NR4A1: variants seen among roughly 807,000 people sequenced by gnomAD.
NR4A1 encodes nuclear receptor subfamily 4immunitygroup A member 1.
NR4A1 carries 24 observed loss-of-function variants against 47.5 expected under a neutral mutation model. That is an observed-to-expected ratio of 0.50 (90% confidence interval 0.37 to 0.71). The LOEUF (loss-of-function observed/expected upper bound fraction) is 0.71, where lower values mean the gene tolerates loss of function less well. Ranked by LOEUF, NR4A1 falls within the 30% of genes least tolerant of loss-of-function variation. The pLI is 0.00. For missense variants in NR4A1, 669 were observed against 788.6 expected, an observed-to-expected ratio of 0.85 and a Z score of 1.82; for synonymous variants, 353 against 345.7, an observed-to-expected ratio of 1.02 and a Z score of -0.24.
intron 4 of NR4A1, 120 bp downstream of exon 4, chr12:52,056,765 AAG>A (rs1939293772): frequency 1.8e-6 from 2 of 1,128,178 alleles, no homozygotes; most frequent in Admixed American, 5.5e-5. Context: ...TTAAAAAAGA[AAG>A]AAAGAAAAGC....
intron 1 of NR4A1, among the ~76,000 whole-genome samples, chr12:52,023,424 TC>T (rs1053948757): frequency 1.3e-5 from 2 of 152,144 alleles, no homozygotes; most frequent in African/African-American, 4.8e-5. Context: ...TTTGCTGGGA[TC>T]TGGGAAGGAA....
chr12:52,058,362 G>T, intron 6 of NR4A1: 1 of 314,738 alleles, frequency 3.2e-6, no homozygotes. Context: ...TTCTGAGGCT[G>T]GGTTTCTCAG....
intron 2 of NR4A1, chr12:52,045,425 T>C: frequency 2.5e-6 from 1 of 407,418 alleles, no homozygotes. Context: ...AGCACTTCCC[T>C]GTGCCCTGGA....
intron 2 of NR4A1, chr12:52,043,835 C>T (rs1938528797): frequency 1.6e-6 from 2 of 1,288,838 alleles, no homozygotes; most frequent in Non-Finnish European, 2.0e-6. Flanking sequence ...AGCCCCCAAC[C>T]AATCTTGGGA....
intron 2 of NR4A1, chr12:52,041,944 A>G (rs763746084): frequency 7.3e-7 from 1 of 1,363,588 alleles, no homozygotes; most frequent in Non-Finnish European, 9.5e-7. Context: ...GTGCTCTGCT[A>G]TTGTCCTTTG....
At position 52,030,437 on chromosome 12, in the gene NR4A1, A is replaced by G. The variant is rs542995807; in HGVS notation, c.-84+7498A>G. 1.2e-4 allele frequency among the ~76,000 whole-genome samples: 18 copies of G among 152,068 alleles called. No homozygotes were observed. The South Asian group carries it at 3.5e-3, about 30-fold the overall frequency. On this transcript the variant is annotated intron_variant, in intron 1 of 7. Coordinates refer to the NR4A1 transcript ENST00000360284. ...ACCTTTTATTTATTTTTTATTTTGT[A>G]TTATTTTTTGAGACGGAGTCTTGCT...
At chr12:52,051,112 C>T (rs1007564250), upstream of NR4A1, among the ~76,000 whole-genome samples, 2 of 152,200 alleles carry the variant, frequency 1.3e-5, no homozygotes, top group African/African-American at 2.4e-5. Flanking sequence ...GACCCGAGTC[C>T]GGTGCGGGGA....
At chr12:52,033,111 C>G (rs1412623300) in intron 1 of NR4A1, among the ~76,000 whole-genome samples, 4 of 152,226 alleles carry the variant, frequency 2.6e-5, no homozygotes, top group Non-Finnish European at 5.9e-5. Context: ...GTAATGGAAT[C>G]CTGGCTGGAC....
Position 52,054,974 on chromosome 12 carries a change from C to G in NR4A1, c.646C>G (p.His216Asp). 1.2e-6 allele frequency: 2 copies of G among 1,614,240 alleles called. No homozygotes were observed. Among genetic ancestry groups the G allele is most frequent in the African/African-American group, 2.7e-5 (2 of 75,066 alleles). The change falls in exon 2 of 7, where the codon CAC becomes GAC. Residue 216 changes from histidine to aspartate, a missense_variant. Physicochemically the swap from His to Asp is moderately conservative, Grantham distance 81. Transcript: ENST00000394825. Reference protein sequence around the residue: ...PLKLFPSQATHQLGEGESYSM... With the variant: ...PLKLFPSQATDQLGEGESYSM... ...GAAGTTGTTCCCCTCACAGGCCACC[C>G]ACCAGCTGGGGGAGGGAGAGAGCTA...
rs1237505788 is a variant in NR4A1 at position 52,051,550 on chromosome 12, G to A, written c.-21G>A. ...GACTCGGGGCGCCAGTCCGGGCAGG[G>A]GCAGCGGGAGCCGGCCGGGTAGGTT... On this transcript the variant is annotated 5_prime_UTR_variant, in exon 1 of 7. Transcript: ENST00000394825. The A allele has an allele frequency of 7.1e-6, 7 of 985,980 alleles. No homozygotes were observed. The highest frequency in any genetic ancestry group is 3.5e-5 in the African/African-American group (2 of 57,264). 61.1% of individuals were successfully genotyped at this position (985,980 alleles called of 1,614,324 possible).
intron 5 of NR4A1, 27 bp downstream of exon 5, chr12:52,057,286 C>T: frequency 6.2e-7 from 1 of 1,613,500 alleles, no homozygotes; most frequent in Non-Finnish European, 8.5e-7. Flanking sequence ...GTCTGCCCAG[C>T]CCCTTTCCCT....
intron 1 of NR4A1, among the ~76,000 whole-genome samples, chr12:52,023,729 C>T (rs1248683027): frequency 6.6e-6 from 1 of 152,144 alleles, no homozygotes; most frequent in African/African-American, 2.4e-5. Context: ...CGGCCCAGCC[C>T]GTCCACCGTC....
upstream of NR4A1, among the ~76,000 whole-genome samples, chr12:52,046,600 C>T (rs976024861): frequency 3.9e-5 from 6 of 152,196 alleles, no homozygotes; most frequent in Admixed American, 1.3e-4. Flanking sequence ...CAGAAGAACA[C>T]ACTTGAAAGA....
intron 1 of NR4A1, among the ~76,000 whole-genome samples, chr12:52,034,334 T>C (rs1484320287): frequency 6.6e-6 from 1 of 152,224 alleles, no homozygotes; most frequent in Non-Finnish European, 1.5e-5. Flanking sequence ...TCCATACCTA[T>C]TCTTGTGTCC....
At chr12:52,023,787 C>T (rs1937941320) in intron 1 of NR4A1, among the ~76,000 whole-genome samples, 1 of 152,188 alleles carries the variant, frequency 6.6e-6, no homozygotes, top group Non-Finnish European at 1.5e-5. Context: ...CCGCTCCTCA[C>T]AGGGTGCTGT....
At chr12:52,024,553 T>G (rs955101043) in intron 1 of NR4A1, among the ~76,000 whole-genome samples, 5 of 152,010 alleles carry the variant, frequency 3.3e-5, no homozygotes, top group African/African-American at 1.2e-4. Flanking sequence ...AAAAATGATC[T>G]GAGTGTCTGT....
At chr12:52,055,909 G>A in intron 2 of NR4A1, 121 bp from the exon 3 acceptor site, 3 of 454,892 alleles carry the variant, frequency 6.6e-6, no homozygotes, top group South Asian at 4.5e-5. Flanking sequence ...TAGAAAAATA[G>A]CTGTGAACAG....
chr12:52,057,960 C>T (rs1368253055), intron 6 of NR4A1, among the ~76,000 whole-genome samples: 3 of 152,088 alleles, frequency 2.0e-5, no homozygotes, highest in Non-Finnish European at 4.4e-5. Flanking sequence ...CAGTCATTTG[C>T]CCTCCCCAAG....
chr12:52,057,353 T>G lies in NR4A1; in HGVS notation c.1363T>G (p.Ser455Ala). Residue 455 changes from serine to alanine, a missense_variant and splice_region_variant, in exon 6 of 7, where the codon TCT (serine) becomes GCT (alanine). By Grantham distance (99) the Ser-to-Ala change is moderately conservative (BLOSUM62 1). Transcript: ENST00000394825. Reference protein sequence around the residue: ...ELFILRLAYRSKPGEGKLIFC... With the variant: ...ELFILRLAYRAKPGEGKLIFC... ...TCTTCGTGCCCATCTGCCTGCCAGG[T>G]CTAAGCCAGGCGAGGGCAAGCTCAT... 1 of 1,614,192 alleles carries G rather than the reference T, an allele frequency of 6.2e-7. No individual in the cohort carries two copies. Among genetic ancestry groups the G allele is most frequent in the Non-Finnish European group, 8.5e-7 (1 of 1,180,034 alleles).
Sources: allele counts gnomAD v4.1 joint callset (sites outside exome capture counted in the v4.1 genomes callset), GRCh38; gene constraint gnomAD v4.1.1; transcripts MANE v1.5; gene names NCBI Gene and HGNC (gene_info 2026-07-23, HGNC 2026-07-21).